RBFOX1: variants seen among roughly 807,000 people sequenced by gnomAD.
RBFOX1 encodes the protein RNA binding fox-1 homolog 1, also known as RNA binding protein fox-1 homolog 1.
Under a neutral mutation model 57.7 loss-of-function variants are expected in RBFOX1, and 8 were observed. The ratio of observed to expected loss-of-function variants is 0.14; its 90% confidence interval spans 0.08 to 0.25. The LOEUF (loss-of-function observed/expected upper bound fraction) is 0.25, where lower values mean the gene tolerates loss of function less well. RBFOX1 is among the 10% of genes least tolerant of loss of function. The probability of loss-of-function intolerance (pLI) is 1.00; values close to 1 mark genes in which losing one functional copy is unlikely to be tolerated. For missense variants in RBFOX1, 611 were observed against 548.5 expected (o/e 1.11, Z -1.14); for synonymous variants, 326 against 222.4 (o/e 1.47, Z -4.15).
At chr16:6,678,088 T>G (rs776628235) in intron 3 of RBFOX1, among the ~76,000 whole-genome samples, 17 of 152,206 alleles carry the variant, frequency 1.1e-4, no homozygotes, top group Non-Finnish European at 2.4e-4. Context: ...AGCCAAAGTA[T>G]TCTCATCATC....
chr16:7,470,570 TGATGGATGGATGGATGGATGGGCG>T (rs1182101976), intron 4 of RBFOX1, among the ~76,000 whole-genome samples: 1 of 149,818 alleles, frequency 6.7e-6, no homozygotes, highest in Non-Finnish European at 1.5e-5. Context: ...GCAGATGAGG[TGATGGATGGATGGATGGATGGGCG>T]GATGGATGGA....
In RBFOX1 at chr16:7,622,975, G is replaced by A. The variant is rs542222022; in HGVS notation, c.677-7628G>A. Among the ~76,000 whole-genome samples the A allele has an allele frequency of 7.2e-5, 11 of 152,238 alleles. No homozygotes were observed. The East Asian group carries it at 1.2e-3, about 16-fold the overall frequency. ...ATGCATGACTGTAAAAGTATCCACC[G>A]TCCATTCGGGCTTTGGGTAAATTTT... On this transcript the variant is annotated intron_variant, in intron 10 of 15. Coordinates refer to ENST00000550418, the MANE Select transcript of RBFOX1 (RefSeq NM_018723.4).
At chr16:7,446,280 T>C (rs575619141) in intron 4 of RBFOX1, among the ~76,000 whole-genome samples, 13 of 152,340 alleles carry the variant, frequency 8.5e-5, no homozygotes, top group Non-Finnish European at 1.3e-4. Flanking sequence ...CCTTCTATGA[T>C]TGAGTTGCTT....
chr16:6,721,943 A>C (rs574717496), intron 3 of RBFOX1: 4 of 153,288 alleles, frequency 2.6e-5, no homozygotes, highest in African/African-American at 7.3e-5. Context: ...CTCAAAGCCA[A>C]ATCCATTCCT....
intron 4 of RBFOX1, among the ~76,000 whole-genome samples, chr16:7,406,045 T>G (rs2098334731): frequency 6.6e-6 from 1 of 152,134 alleles, no homozygotes; most frequent in Admixed American, 6.5e-5. Flanking sequence ...AATTACCTGG[T>G]TTGAAATATT....
chr16:5,582,192 G>A (rs913525101), intron 2 of RBFOX1, among the ~76,000 whole-genome samples: 3 of 152,186 alleles, frequency 2.0e-5, no homozygotes, highest in South Asian at 2.1e-4. Context: ...ACTCCCATGA[G>A]GTTGCACCAC....
At chr16:5,552,199 C>G (rs1054826136) in intron 2 of RBFOX1, among the ~76,000 whole-genome samples, 1 of 152,204 alleles carries the variant, frequency 6.6e-6, no homozygotes, top group African/African-American at 2.4e-5. Context: ...CTGAGATAAC[C>G]TTGCTTGGTG....
chr16:7,204,763 C>G (rs1206953791), intron 4 of RBFOX1, among the ~76,000 whole-genome samples: 1 of 152,158 alleles, frequency 6.6e-6, no homozygotes, highest in African/African-American at 2.4e-5. Flanking sequence ...CCCCCTCTCC[C>G]CAATCCTTTC....
At chr16:7,271,125 C>G (rs1262220418) in intron 4 of RBFOX1, among the ~76,000 whole-genome samples, 3 of 152,158 alleles carry the variant, frequency 2.0e-5, no homozygotes, top group Admixed American at 1.3e-4. Context: ...TTTGAAGGAT[C>G]ATGAGAGCAG....
At chr16:6,217,009 G>C (rs1050841525) in intron 1 of RBFOX1, among the ~76,000 whole-genome samples, 10 of 152,030 alleles carry the variant, frequency 6.6e-5, no homozygotes, top group African/African-American at 2.4e-4. Flanking sequence ...AATTTCGGCA[G>C]TTCAAGTTCA....
At chr16:5,629,126 C>G (rs2048429050) in intron 3 of RBFOX1, among the ~76,000 whole-genome samples, 4 of 152,072 alleles carry the variant, frequency 2.6e-5, no homozygotes, top group South Asian at 4.1e-4. Context: ...AGCTATTTTA[C>G]TCTTCATTTT....
chr16:6,262,135 A>C (rs774359152), intron 1 of RBFOX1, among the ~76,000 whole-genome samples: 2 of 152,154 alleles, frequency 1.3e-5, no homozygotes, highest in Admixed American at 6.5e-5. Flanking sequence ...CTTCCCTTCT[A>C]TTGCGGTATT....
intron 4 of RBFOX1, among the ~76,000 whole-genome samples, chr16:7,454,997 G>T (rs1353891636): frequency 6.6e-6 from 1 of 152,142 alleles, no homozygotes. Flanking sequence ...TTATGATTTT[G>T]CTCATGGGTT....
chr16:7,707,232 TAATC>T (rs977728431), intron 14 of RBFOX1, among the ~76,000 whole-genome samples: 1 of 152,186 alleles, frequency 6.6e-6, no homozygotes, highest in African/African-American at 2.4e-5. Context: ...AAACCTGGTA[TAATC>T]AATTGTTTTA....
At chr16:5,805,746 C>G (rs2055204840) in intron 3 of RBFOX1, among the ~76,000 whole-genome samples, 1 of 152,168 alleles carries the variant, frequency 6.6e-6, no homozygotes, top group African/African-American at 2.4e-5. Context: ...TGAGTCAAGT[C>G]ATAACCAACC....
chr16:6,041,723 G>A (rs768639999), intron 1 of RBFOX1, among the ~76,000 whole-genome samples: 1 of 152,074 alleles, frequency 6.6e-6, no homozygotes, highest in South Asian at 2.1e-4. Context: ...AGGGGACAAG[G>A]TCTGACCAAA....
At chr16:6,758,662 A>G (rs1568486139) in intron 3 of RBFOX1, among the ~76,000 whole-genome samples, 1 of 152,222 alleles carries the variant, frequency 6.6e-6, no homozygotes, top group African/African-American at 2.4e-5. Context: ...CTGTGTTAGT[A>G]GCAAGACACA....
intron 2 of RBFOX1, among the ~76,000 whole-genome samples, chr16:6,560,383 G>GA (rs57756597): frequency 0.86 from 130,764 of 151,876 alleles, 59,583 homozygotes; most frequent in East Asian, 1. Context: ...AGGAGGAGAG[G>GA]GCCAGTGTGG....
At chr16:6,542,571 G>A (rs1445979849) in intron 2 of RBFOX1, among the ~76,000 whole-genome samples, 6 of 134,610 alleles carry the variant, frequency 4.5e-5, no homozygotes, top group African/African-American at 1.7e-4. Context: ...CTCACTGCAA[G>A]CTCCGCCTCC....
Sources: gnomAD v4.1 joint callset for allele counts (sites outside exome capture counted in the v4.1 genomes callset) on GRCh38, gnomAD v4.1.1 for gene constraint, MANE v1.5 for transcripts, NCBI Gene and HGNC (gene_info 2026-07-23, HGNC 2026-07-21) for gene names.